TM6SF1: variants seen among roughly 807,000 people sequenced by gnomAD.
The protein encoded by TM6SF1 is transmembrane 6 superfamily member 1.
Under a neutral mutation model 47.1 loss-of-function variants are expected in TM6SF1, and 43 were observed. The ratio of observed to expected loss-of-function variants is 0.91; its 90% CI spans 0.72 to 1.18. The LOEUF is 1.18. Among genes scored for constraint, TM6SF1 ranks in the 50% most tolerant of loss-of-function variants. The probability of loss-of-function intolerance (pLI) is 0.00; values close to 1 mark genes in which losing one functional copy is unlikely to be tolerated. For missense variants in TM6SF1, 390 were observed against 449.0 expected (o/e 0.87, Z 1.19); for synonymous variants, 177 against 166.3 (o/e 1.06, Z -0.49).
At chr15:83,113,975 A>G (rs1337876472) in intron 2 of TM6SF1, 1 of 152,236 alleles carries the variant, frequency 6.6e-6, no homozygotes, top group Non-Finnish European at 1.5e-5. Context: ...GTTTCTCCCA[A>G]TCCACATATA....
In TM6SF1 at chr15:83,122,774, A is replaced by G. The variant is rs1422827162; in HGVS notation, c.499A>G (p.Ile167Val). ...TTAAATAGGGAAGTATGGAACACGA[A>G]TTTGCCCTGCTTTTTTCTTAAGCAT... The part of the protein sequence containing the change: ...GNIVGKYGTR[I>V]CPAFFLSIPY... Residue 167 changes from isoleucine (I) to valine (V), a missense_variant, in exon 6 of 10, where the codon ATT becomes GTT. Ile to Val is a conservative substitution (Grantham distance 29, BLOSUM62 3). Coordinates refer to ENST00000322019, the MANE Select transcript of TM6SF1 (RefSeq NM_023003.5). 1.2e-6 allele frequency: 2 copies of G among 1,613,858 alleles called. No homozygotes were observed. Among genetic ancestry groups the G allele is most frequent in the Non-Finnish European group, 1.7e-6 (2 of 1,179,926 alleles).
intron 4 of TM6SF1, 43 bp from the exon 5 acceptor site, chr15:83,121,878 A>G (rs776744383): frequency 3.4e-6 from 5 of 1,466,128 alleles, no homozygotes; most frequent in Non-Finnish European, 3.8e-6. Context: ...GTATTCTAAG[A>G]CAAACATACC....
chr15:83,133,015 C>G (rs1284644866), intron 9 of TM6SF1: 1 of 152,180 alleles, frequency 6.6e-6, no homozygotes, highest in African/African-American at 2.4e-5. Context: ...CTTGTGTCTA[C>G]AGAATAGCCC....
chr15:83,113,270 G>A (rs1346241365), intron 2 of TM6SF1: 1 of 311,060 alleles, frequency 3.2e-6, no homozygotes, highest in Non-Finnish European at 6.2e-6. Context: ...TAACTGTGTG[G>A]TGTCTGGGTC....
intron 3 of TM6SF1, among the ~76,000 whole-genome samples, chr15:83,116,891 C>T (rs1296490360): frequency 6.6e-6 from 1 of 152,134 alleles, no homozygotes; most frequent in African/African-American, 2.4e-5. Flanking sequence ...TGTTTTTACA[C>T]CAGAGAGGGA....
At chr15:83,117,522 C>T (rs934337675) in intron 3 of TM6SF1, among the ~76,000 whole-genome samples, 3 of 152,020 alleles carry the variant, frequency 2.0e-5, no homozygotes, top group Non-Finnish European at 4.4e-5. Flanking sequence ...GGCCAAGAGG[C>T]AGAAGGAAAA....
At position 83,133,537 on chromosome 15, in the gene TM6SF1, T is replaced by C. The variant is rs780335601; in HGVS notation, c.922-2944T>C. On this transcript the variant is annotated intron_variant, in intron 9 of 9. Transcript: ENST00000322019. ...TCTGTAAGGTGAAAATGATTTAGAATGAAGTGGAAGAAAAATTATTAGGGA... is the reference window on the plus strand; with the variant it reads ...TCTGTAAGGTGAAAATGATTTAGAACGAAGTGGAAGAAAAATTATTAGGGA... 4.6e-5 allele frequency: 7 copies of C among 152,344 alleles called. No individual in the cohort carries two copies. The East Asian group carries it at 7.7e-4, about 17-fold the overall frequency. 9.4% of individuals were successfully genotyped at this position (152,344 alleles called of 1,614,324 possible).
rs2036628499 is a variant in TM6SF1 at position 83,136,579 on chromosome 15, A to G, written c.1020A>G (p.Ile340Met). Reference protein sequence around the residue: ...EAKILFLALNIAYGVLPQLLA... With the variant: ...EAKILFLALNMAYGVLPQLLA... ...AAATCCTTTTTTTAGCATTAAACAT[A>G]GCATATGGAGTTCTTCCTCAGCTCT... Residue 340 changes from isoleucine to methionine, a missense_variant, in exon 10 of 10, where the codon ATA becomes ATG. Coordinates refer to ENST00000322019, the MANE Select transcript of TM6SF1 (RefSeq NM_023003.5). The G allele has an allele frequency of 6.2e-7, 1 of 1,613,762 alleles. No homozygotes were observed. Among genetic ancestry groups the G allele is most frequent in the African/African-American group, 1.3e-5 (1 of 74,914 alleles).
At chr15:83,111,101 ACCT>A (rs1284232019) in intron 1 of TM6SF1, among the ~76,000 whole-genome samples, 1 of 151,922 alleles carries the variant, frequency 6.6e-6, no homozygotes, top group Non-Finnish European at 1.5e-5. Context: ...CCAACTCCTG[ACCT>A]CGGGTGATCC....
intron 4 of TM6SF1, chr15:83,119,900 G>A: frequency 2.0e-6 from 1 of 497,568 alleles, no homozygotes. Context: ...AGCTCGGGCA[G>A]ACCCTTTAAG....
chr15:83,124,147 T>C (rs2035516638), intron 6 of TM6SF1, among the ~76,000 whole-genome samples: 1 of 152,218 alleles, frequency 6.6e-6, no homozygotes, highest in Non-Finnish European at 1.5e-5. Context: ...AGAAAATTTT[T>C]AAACATGTGG....
chr15:83,123,001 A>C, intron 6 of TM6SF1, 123 bp downstream of exon 6: 1 of 1,109,990 alleles, frequency 9.0e-7, no homozygotes, highest in Non-Finnish European at 1.3e-6. Context: ...AAACAGTGCG[A>C]CTGTTTTGAT....
At chr15:83,115,764 C>T in intron 2 of TM6SF1, 81 bp from the exon 3 acceptor site, 2 of 925,074 alleles carry the variant, frequency 2.2e-6, no homozygotes, top group Non-Finnish European at 3.6e-6. Flanking sequence ...AAAAACATTC[C>T]ATTATTATTA....
chr15:83,131,460 G>C (rs556566009), intron 9 of TM6SF1: 1 of 152,048 alleles, frequency 6.6e-6, no homozygotes, highest in East Asian at 1.9e-4. Context: ...ACGAAACCCC[G>C]TCTCTACTAA....
At position 83,137,312 on chromosome 15, in the gene TM6SF1, T is replaced by C. The variant is rs2036668947; in HGVS notation, c.*640T>C. On this transcript the variant is annotated 3_prime_UTR_variant, in exon 10 of 10. Transcript: ENST00000322019. Reference sequence around the variant, plus strand: ...TTTTATTGGTGGCTGGAAATATTTCTATTGTATTTCTGTGTATATTTTTAA... The same window carrying C: ...TTTTATTGGTGGCTGGAAATATTTCCATTGTATTTCTGTGTATATTTTTAA... 1.3e-5 allele frequency: 2 copies of C among 152,216 alleles called. No homozygotes were observed. Among genetic ancestry groups the C allele is most frequent in the Non-Finnish European group, 2.9e-5 (2 of 68,008 alleles). 9.4% of individuals were successfully genotyped at this position (152,216 alleles called of 1,614,324 possible).
At chr15:83,122,139 CT>C (rs2035315269) in intron 5 of TM6SF1, 136 bp downstream of exon 5, 2 of 743,610 alleles carry the variant, frequency 2.7e-6, no homozygotes, top group Non-Finnish European at 4.4e-6. Flanking sequence ...AGAATAATTC[CT>C]TTTTCTCACC....
chr15:83,109,794 T>G (rs1674581281), intron 1 of TM6SF1, among the ~76,000 whole-genome samples: 1 of 152,082 alleles, frequency 6.6e-6, no homozygotes, highest in South Asian at 2.1e-4. Context: ...CCTTGACCAT[T>G]CCTCCTCCTC....
At chr15:83,127,744 C>T (rs2035896287) in intron 9 of TM6SF1, 5 of 360,310 alleles carry the variant, frequency 1.4e-5, no homozygotes, top group South Asian at 2.8e-5. Context: ...CAAGGTTACA[C>T]ACCCAGCATG....
Position 83,136,643 on chromosome 15 carries a change from A to C in TM6SF1, c.1084A>C (p.Lys362Gln), listed in dbSNP as rs1296786318. The change falls in exon 10 of 10, where the codon AAA becomes CAA. Residue 362 changes from lysine to glutamine, a missense_variant. Coordinates refer to ENST00000322019, the MANE Select transcript of TM6SF1 (RefSeq NM_023003.5). ...TATCTACAAACCAGAGTTCTTCATA[A>C]AAACAAAGGCAGAAGAAAAAGTGGA... ...RCIYKPEFFI[K>Q]TKAEEKVE The C allele has an allele frequency of 1.9e-6, 3 of 1,599,948 alleles. No individual in the cohort carries two copies. In the Admixed American group the frequency reaches 5.4e-5, roughly 29 times the overall value.
Sources: allele counts gnomAD v4.1 joint callset (sites outside exome capture counted in the v4.1 genomes callset), GRCh38; gene constraint gnomAD v4.1.1; transcripts MANE v1.5; gene names NCBI Gene and HGNC (gene_info 2026-07-23, HGNC 2026-07-21).